FSTL4: variants seen among roughly 807,000 people sequenced by gnomAD.
FSTL4 encodes the protein follistatin-related protein 4.
A neutral mutation model predicts 78.2 loss-of-function variants in FSTL4; 28 were observed. The observed-to-expected ratio is 0.36, with a 90% confidence interval of 0.27 to 0.49. The LOEUF is 0.49. FSTL4 is among the 20% of genes least tolerant of loss of function. The pLI is 0.98. For missense variants in FSTL4, 922 were observed against 1,084.9 expected (o/e 0.85, Z 2.11); for synonymous variants, 422 against 440.5 (o/e 0.96, Z 0.53).
At chr5:133,746,635 C>T in the FSTL4 span, among the ~76,000 whole-genome samples, 1 of 152,024 alleles carries the variant, frequency 6.6e-6, no homozygotes. Context: ...CCAAATGAAA[C>T]ACCAATTACA....
intron 6 of FSTL4, among the ~76,000 whole-genome samples, chr5:133,280,770 C>T (rs1260222604): frequency 6.6e-6 from 1 of 152,196 alleles, no homozygotes; most frequent in Non-Finnish European, 1.5e-5. Flanking sequence ...CTTCCCTGGC[C>T]CTCCACATTC....
At chr5:133,779,467 T>C in the FSTL4 span, among the ~76,000 whole-genome samples, 1 of 152,064 alleles carries the variant, frequency 6.6e-6, no homozygotes, top group Non-Finnish European at 1.5e-5. Flanking sequence ...GCACCTGTAG[T>C]CCCAGCTACT....
chr5:133,548,683 G>A (rs370729905), intron 3 of FSTL4, among the ~76,000 whole-genome samples: 27 of 152,180 alleles, frequency 1.8e-4, no homozygotes, highest in Admixed American at 6.5e-4. Flanking sequence ...GTAGCTCAAC[G>A]GAGAACTGGA....
At chr5:133,839,436 A>C in the FSTL4 span, among the ~76,000 whole-genome samples, 1 of 152,218 alleles carries the variant, frequency 6.6e-6, no homozygotes, top group Non-Finnish European at 1.5e-5. Flanking sequence ...CAGATTCATA[A>C]TGCATATTAG....
chr5:133,553,530 A>G (rs1183199568), intron 3 of FSTL4, among the ~76,000 whole-genome samples: 1 of 152,220 alleles, frequency 6.6e-6, no homozygotes, highest in African/African-American at 2.4e-5. Context: ...TGAAACGCCC[A>G]GCAAACCAAA....
At chr5:133,697,023 A>G in the FSTL4 span, among the ~76,000 whole-genome samples, 110 of 152,326 alleles carry the variant, frequency 7.2e-4, 5 homozygotes, top group East Asian at 0.018. Context: ...AGTGCCCGAA[A>G]CACAGGGCGA....
chr5:133,384,381 T>C (rs1228850332), intron 4 of FSTL4, among the ~76,000 whole-genome samples: 3 of 152,230 alleles, frequency 2.0e-5, no homozygotes, highest in Non-Finnish European at 4.4e-5. Flanking sequence ...CCCAGGACTG[T>C]TCAGGGCCCA....
the FSTL4 span, among the ~76,000 whole-genome samples, chr5:133,721,541 G>T: frequency 6.6e-5 from 10 of 152,290 alleles, no homozygotes; most frequent in East Asian, 1.9e-3. Flanking sequence ...GGACAGCTTT[G>T]CTGGGTATAG....
chr5:133,426,400 G>C lies in FSTL4; in HGVS notation c.161-25414C>G, dbSNP rs1338120929. 6.6e-6 allele frequency among the ~76,000 whole-genome samples: 1 copy of C among 152,132 alleles called. No individual in the cohort carries two copies. The highest frequency in any genetic ancestry group is 2.4e-5 in the African/African-American group (1 of 41,428). On this transcript the variant is annotated intron_variant, in intron 3 of 15. Transcript: ENST00000265342. This position sits in a 1 kb window ranked among gnomAD's most constrained non-coding sequence, Gnocchi z 5.0. ...TAATGAGCCCATGTCACTTCATGGG[G>C]GTTCTGGGCAGATGAATAGCGCTGC...
intron 7 of FSTL4, among the ~76,000 whole-genome samples, chr5:133,245,818 A>T (rs974522702): frequency 6.6e-6 from 1 of 152,136 alleles, no homozygotes; most frequent in Non-Finnish European, 1.5e-5. Context: ...TCCAGGCGAG[A>T]GGGGTACATT....
chr5:133,653,236 A>G, the FSTL4 span, among the ~76,000 whole-genome samples: 4 of 152,208 alleles, frequency 2.6e-5, no homozygotes, highest in South Asian at 6.2e-4. Flanking sequence ...GAGAAATTCT[A>G]AAATCCCCTC....
chr5:133,353,089 TC>T (rs1014256901), intron 4 of FSTL4, among the ~76,000 whole-genome samples: 1 of 152,196 alleles, frequency 6.6e-6, no homozygotes, highest in Admixed American at 6.5e-5. Flanking sequence ...CCTTAAAATA[TC>T]CTACTTGTGC....
chr5:133,658,323 G>T, the FSTL4 span, among the ~76,000 whole-genome samples: 81,844 of 151,896 alleles, frequency 0.54, 22,262 homozygotes, highest in East Asian at 0.64. Context: ...GATTTCGGAT[G>T]GTTTGTAGCA....
intron 3 of FSTL4, among the ~76,000 whole-genome samples, chr5:133,469,487 T>A (rs955013652): frequency 6.6e-6 from 1 of 152,182 alleles, no homozygotes; most frequent in African/African-American, 2.4e-5. Flanking sequence ...CCAGCATGAC[T>A]GGAGGAGATG....
the FSTL4 span, among the ~76,000 whole-genome samples, chr5:133,714,619 C>T: frequency 6.6e-6 from 1 of 152,346 alleles, no homozygotes; most frequent in African/African-American, 2.4e-5. Context: ...TTCTGCCAAG[C>T]TGTGATGAGT....
At chr5:133,227,794 C>G (rs1751379619) in intron 8 of FSTL4, among the ~76,000 whole-genome samples, 1 of 151,932 alleles carries the variant, frequency 6.6e-6, no homozygotes, top group Admixed American at 6.6e-5. Context: ...TTGTAAAAAC[C>G]AACAAAACAG....
At chr5:133,666,370 A>G in the FSTL4 span, among the ~76,000 whole-genome samples, 1 of 152,192 alleles carries the variant, frequency 6.6e-6, no homozygotes, top group Non-Finnish European at 1.5e-5. Flanking sequence ...TTATAAAAGA[A>G]ATTGAATTCT....
chr5:133,697,773 C>T, the FSTL4 span, among the ~76,000 whole-genome samples: 4 of 152,286 alleles, frequency 2.6e-5, no homozygotes, highest in South Asian at 2.1e-4. Context: ...CCCAACCTCA[C>T]GTGAGACTAT....
intron 3 of FSTL4, among the ~76,000 whole-genome samples, chr5:133,456,784 C>T (rs1036731594): frequency 6.6e-6 from 1 of 152,132 alleles, no homozygotes; most frequent in African/African-American, 2.4e-5. Context: ...TGGTTTTGCC[C>T]CAGCATAGGA....
Sources: allele counts gnomAD v4.1 joint callset (sites outside exome capture counted in the v4.1 genomes callset), GRCh38; gene constraint gnomAD v4.1.1; non-coding constraint Gnocchi (gnomAD v3.1); transcripts MANE v1.5; gene names NCBI Gene and HGNC (gene_info 2026-07-23, HGNC 2026-07-21).